Variants in MMP16 observed in about 807,000 individuals in gnomAD.
MMP16 encodes the protein matrix metallopeptidase 16.
Under a neutral mutation model 67.8 loss-of-function variants are expected in MMP16, and 12 were observed. That is an observed-to-expected ratio of 0.18 (90% CI 0.11 to 0.29). The LOEUF (loss-of-function observed/expected upper bound fraction) is 0.29. MMP16 is among the 10% of genes least tolerant of loss of function. The pLI is 1.00. For synonymous variants in MMP16, 249 were observed against 255.9 expected (o/e 0.97, Z 0.26); for missense variants, 475 against 765.7 (o/e 0.62, Z 4.48).
At chr8:88,074,545 A>G in intron 7 of MMP16, 60 bp downstream of exon 7, 1 of 1,527,130 alleles carries the variant, frequency 6.5e-7, no homozygotes. Context: ...TGTGTGCACC[A>G]CAGGGTCCTA....
intron 1 of MMP16, among the ~76,000 whole-genome samples, chr8:88,290,280 C>T (rs1362435675): frequency 6.6e-6 from 1 of 152,056 alleles, no homozygotes; most frequent in Non-Finnish European, 1.5e-5. Flanking sequence ...GGGCCAGGCA[C>T]GGTGGCTCAC....
chr8:88,075,022 A>G (rs1324948323), intron 6 of MMP16, among the ~76,000 whole-genome samples: 2 of 152,160 alleles, frequency 1.3e-5, no homozygotes, highest in Non-Finnish European at 2.9e-5. Flanking sequence ...AGATGGAGGT[A>G]GCACAGAGAA....
chr8:88,053,969 C>T (rs1808300967), intron 8 of MMP16, among the ~76,000 whole-genome samples: 1 of 151,962 alleles, frequency 6.6e-6, no homozygotes, highest in African/African-American at 2.4e-5. Flanking sequence ...TCTAAAAAAC[C>T]CTTTTCCCAT....
At chr8:88,177,375 A>T (rs376122650) in intron 3 of MMP16, among the ~76,000 whole-genome samples, 51 of 152,354 alleles carry the variant, frequency 3.3e-4, no homozygotes, top group African/African-American at 1.2e-3. Context: ...TCATAGGGCA[A>T]AATTCTGCCC....
At position 88,327,454 on chromosome 8, in the gene MMP16, G is replaced by A; in HGVS notation, c.-248C>T. On this transcript the variant is annotated 5_prime_UTR_variant, in exon 1 of 10. Transcript: ENST00000286614. ...CTCCGGGGTCAGTCACCGGGAACGT[G>A]GCGCCTAAGTTCACCGGCGGTTCCG... 2.1e-6 allele frequency: 1 copy of A among 478,910 alleles called. No homozygotes were observed. Among genetic ancestry groups the A allele is most frequent in the Non-Finnish European group, 3.8e-6 (1 of 260,574 alleles). 29.7% of individuals were successfully genotyped at this position (478,910 alleles called of 1,614,324 possible).
At chr8:88,289,689 AACAC>A (rs4043664) in intron 1 of MMP16, among the ~76,000 whole-genome samples, 76,947 of 143,866 alleles carry the variant, frequency 0.53, 21,283 homozygotes, top group Non-Finnish European at 0.64. Flanking sequence ...TCCTAGAGGA[AACAC>A]ACACACACAC....
intron 4 of MMP16, among the ~76,000 whole-genome samples, chr8:88,160,450 AC>A (rs1808598969): frequency 6.6e-6 from 1 of 152,020 alleles, no homozygotes; most frequent in African/African-American, 2.4e-5. Context: ...AAAACAAACA[AC>A]CCCATCAAAA....
chr8:88,175,184 G>A lies in MMP16; in HGVS notation c.405-7211C>T, dbSNP rs572599730. ...AAAGAGAAAAATTAGCATCACCACT[G>A]CTTTGTATACCAAAGTAATCCGGTC... On this transcript the variant is annotated intron_variant, in intron 3 of 9. Transcript: ENST00000286614. Among the ~76,000 whole-genome samples, 68 of 152,224 alleles carry A rather than the reference G, an allele frequency of 4.5e-4. 1 individual carries two copies. The highest frequency in any genetic ancestry group is 8.3e-4 in the South Asian group (4 of 4,828).
At chr8:88,220,286 T>C (rs2129843275) in intron 1 of MMP16, among the ~76,000 whole-genome samples, 1 of 152,084 alleles carries the variant, frequency 6.6e-6, no homozygotes, top group East Asian at 1.9e-4. Flanking sequence ...CCAAACATTG[T>C]GTGTGTTTTG....
chr8:88,268,333 A>ACT (rs1449231407), intron 1 of MMP16, among the ~76,000 whole-genome samples: 1 of 152,164 alleles, frequency 6.6e-6, no homozygotes, highest in East Asian at 1.9e-4. Context: ...CAAGAATGGA[A>ACT]CTCTGTCTCA....
chr8:88,140,950 A>G (rs1244260885), intron 4 of MMP16, among the ~76,000 whole-genome samples: 1 of 152,204 alleles, frequency 6.6e-6, no homozygotes, highest in African/African-American at 2.4e-5. Context: ...TTAAAATATC[A>G]TTAGGATCAA....
At chr8:88,211,441 G>C (rs1194248064) in intron 1 of MMP16, among the ~76,000 whole-genome samples, 1 of 152,116 alleles carries the variant, frequency 6.6e-6, no homozygotes, top group African/African-American at 2.4e-5. Flanking sequence ...TTATCAAGGA[G>C]TTCATAGTTT....
chr8:88,042,410 G>A (rs543407937), intron 9 of MMP16, among the ~76,000 whole-genome samples: 25 of 152,218 alleles, frequency 1.6e-4, no homozygotes, highest in African/African-American at 5.3e-4. Context: ...TTGCCTGCAA[G>A]GAATCTTAAC....
chr8:88,160,589 C>T (rs970830112), intron 4 of MMP16, among the ~76,000 whole-genome samples: 5 of 152,080 alleles, frequency 3.3e-5, no homozygotes, highest in African/African-American at 1.2e-4. Context: ...TGAGATACCA[C>T]CTCGCACCAG....
At position 88,064,155 on chromosome 8, in the gene MMP16, A is replaced by G. The variant is rs1289466511; in HGVS notation, c.1223-7877T>C. On this transcript the variant is annotated intron_variant, in intron 7 of 9. Transcript: ENST00000286614. ...CTTTTACCTTGCAATGAAAGAGTTC[A>G]GTAGTTAATGACAGAGTCCACATGG... Among the ~76,000 whole-genome samples the G allele has an allele frequency of 3.3e-5, 5 of 152,140 alleles. No homozygotes were observed. In the East Asian group the frequency reaches 7.7e-4, roughly 24 times the overall value.
chr8:88,050,871 C>T (rs1014039544), intron 8 of MMP16, among the ~76,000 whole-genome samples: 4 of 152,068 alleles, frequency 2.6e-5, no homozygotes, highest in African/African-American at 4.8e-5. Context: ...ATATTATATG[C>T]CAGACTCATA....
Position 88,038,212 on chromosome 8 carries a change from A to G in MMP16, c.*3249T>C, listed in dbSNP as rs1303512332. 1.3e-5 allele frequency: 2 copies of G among 152,040 alleles called. No individual in the cohort carries two copies. Among genetic ancestry groups the G allele is most frequent in the Non-Finnish European group, 2.9e-5 (2 of 67,940 alleles). 9.4% of individuals were successfully genotyped at this position (152,040 alleles called of 1,614,324 possible). A position where few individuals can be genotyped will look rare whatever the true frequency, so the allele number is the denominator to read the frequency against. ...ATGGAATCCCACTGTTTGTGATTAC[A>G]TTGTCCTTATTGTCTTCTTATCTCT... On this transcript the variant is annotated 3_prime_UTR_variant, in exon 10 of 10. Transcript: ENST00000286614. The surrounding 1 kb of genome is among the most constrained non-coding windows in gnomAD (Gnocchi z 4.1).
intron 1 of MMP16, among the ~76,000 whole-genome samples, chr8:88,293,625 T>C (rs918464993): frequency 3.3e-5 from 5 of 152,172 alleles, no homozygotes; most frequent in African/African-American, 1.2e-4. Context: ...ATATACTATA[T>C]ATATTTAAAG....
rs530430340 is a variant in MMP16 at position 88,066,136 on chromosome 8, T to C, written c.1222+8469A>G. Among the ~76,000 whole-genome samples the C allele has an allele frequency of 6.6e-5, 10 of 152,256 alleles. 1 individual carries two copies. The South Asian group carries it at 2.1e-3, about 32-fold the overall frequency. On this transcript the variant is annotated intron_variant, in intron 7 of 9. Coordinates refer to ENST00000286614, the MANE Select transcript of MMP16 (RefSeq NM_005941.5). ...AGCTACTTGATTTTATTTTGACTGTTACTGATTCTGACAACACTAGCATCT... is the reference window on the plus strand; with the variant it reads ...AGCTACTTGATTTTATTTTGACTGTCACTGATTCTGACAACACTAGCATCT...
Sources: gnomAD v4.1 joint callset for allele counts (sites outside exome capture counted in the v4.1 genomes callset) on GRCh38, gnomAD v4.1.1 for gene constraint, Gnocchi (gnomAD v3.1) non-coding constraint, MANE v1.5 for transcripts, NCBI Gene and HGNC (gene_info 2026-07-23, HGNC 2026-07-21) for gene names.